The following ADGRG4 variants were observed in gnomAD, a reference collection of about 807,000 sequenced individuals.
The protein encoded by ADGRG4 is G protein-coupled receptor 112.
In ADGRG4, 122 loss-of-function variants were observed where a neutral mutation model predicts 126.2. The observed-to-expected ratio is 0.97, with a 90% CI of 0.83 to 1.12. The LOEUF is 1.12. ADGRG4 is among the 50% of genes most tolerant of loss of function. The pLI is 0.00. For missense variants in ADGRG4, 2,481 were observed against 2,251.8 expected, an observed-to-expected ratio of 1.10 and a Z score of -2.06; for synonymous variants, 943 against 838.7, an observed-to-expected ratio of 1.12 and a Z score of -2.15.
chrX:136,308,820 C>A lies in ADGRG4; in HGVS notation c.43C>A (p.Leu15Ile). ...IIYQKLYGLI[L>I]MSSFIFLSDT... is the part of the protein sequence containing the mutation. ...ATATCAGAAGCTTTATGGATTGATTCTCATGTCGAGTTTTATCTTTCTCTC... is the reference window on the plus strand; with the variant it reads ...ATATCAGAAGCTTTATGGATTGATTATCATGTCGAGTTTTATCTTTCTCTC... The change falls in exon 4 of 26, where the codon CTC becomes ATC. Residue 15 changes from leucine (L) to isoleucine (I), a missense_variant. Transcript: ENST00000394143. 2 of 1,164,316 alleles carry A rather than the reference C, an allele frequency of 1.7e-6. No individual in the cohort carries two copies. Among genetic ancestry groups the A allele is most frequent in the Non-Finnish European group, 2.3e-6 (2 of 853,186 alleles).
Position 136,347,895 on chromosome X carries a change from A to G in ADGRG4, c.4189A>G (p.Ile1397Val). The change falls in exon 6 of 26, where the codon ATA (isoleucine) becomes GTA (valine). Residue 1397 changes from isoleucine to valine, a missense_variant. Coordinates refer to ENST00000394143, the MANE Select transcript of ADGRG4 (RefSeq NM_153834.4). ...ATATACTCCCAGGACTGTGGAAATG[A>G]TAGTAAACTCCACCTATGTGACTCA... ...PAYTPRTVEM[I>V]VNSTYVTHSV... 8.3e-7 allele frequency: 1 copy of G among 1,210,604 alleles called. No homozygotes were observed.
rs1271096387 is a variant in ADGRG4 at position 136,301,780 on chromosome X, C to T, written c.-254+780C>T. 6.3e-5 allele frequency among the ~76,000 whole-genome samples: 7 copies of T among 111,648 alleles called. No homozygotes were observed. In the South Asian group the frequency reaches 1.5e-3, roughly 24 times the overall value. On this transcript the variant is annotated intron_variant, in intron 1 of 25. Coordinates refer to ENST00000394143, the MANE Select transcript of ADGRG4 (RefSeq NM_153834.4). ...TGTATAAGGTGTAAGGAAGGGATCC[C>T]GTTTCAGCTTTCTCCATATGGCTAG...
intron 15 of ADGRG4, among the ~76,000 whole-genome samples, chrX:136,383,505 T>A (rs1397144988): frequency 8.9e-6 from 1 of 112,184 alleles, no homozygotes; most frequent in Non-Finnish European, 1.9e-5. Flanking sequence ...TGTATGTATA[T>A]TTTATATTCA....
At chrX:136,367,495 A>G (rs950502837) in intron 13 of ADGRG4, among the ~76,000 whole-genome samples, 6 of 112,425 alleles carry the variant, frequency 5.3e-5, no homozygotes, top group African/African-American at 1.6e-4. Context: ...AAAAGTTAAT[A>G]AACAGTCATA....
intron 15 of ADGRG4, among the ~76,000 whole-genome samples, chrX:136,377,180 TTTTTTTTTTTTGTTG>T (rs1463775753): frequency 1.5e-4 from 14 of 90,379 alleles, no homozygotes; most frequent in African/African-American, 6.3e-4. Flanking sequence ...TTTTTTTTTT[TTTTTTTTTTTTGTTG>T]TTGTTGTTGT....
intron 7 of ADGRG4, among the ~76,000 whole-genome samples, chrX:136,352,452 G>A (rs1403468283): frequency 9.1e-6 from 1 of 109,624 alleles, no homozygotes; most frequent in African/African-American, 3.3e-5. Flanking sequence ...GATTGCGTGA[G>A]CCAAGGAGTT....
chrX:136,380,640 TTC>T (rs2075257037), intron 15 of ADGRG4, among the ~76,000 whole-genome samples: 8 of 86,047 alleles, frequency 9.3e-5, no homozygotes, highest in Non-Finnish European at 1.6e-4. Flanking sequence ...CTTCTTCTTC[TTC>T]TTCTTCTTCC....
chrX:136,325,095 A>T (rs774958093), intron 5 of ADGRG4, among the ~76,000 whole-genome samples: 5 of 112,241 alleles, frequency 4.5e-5, no homozygotes, highest in African/African-American at 1.6e-4. Flanking sequence ...ACAGGTAGTC[A>T]GTGATAATAG....
rs1291168336 is a variant in ADGRG4 at position 136,414,174 on chromosome X, T to C, written c.9052T>C (p.Cys3018Arg). The change falls in exon 25 of 26, where the codon TGT (cysteine) becomes CGT (arginine). Residue 3018 changes from cysteine to arginine, a missense_variant. Cys to Arg is a radical substitution (Grantham distance 180). Coordinates refer to ENST00000394143, the MANE Select transcript of ADGRG4 (RefSeq NM_153834.4). The part of the protein sequence containing the change: ...LDNSSDGSSR[C>R]QIKVGYKQEG... ...TATCATTTCAGATGGGAGCAGCCGG[T>C]GTCAGATAAAGGTTGGATATAAACA... The C allele has an allele frequency of 2.5e-6, 3 of 1,195,622 alleles. No individual in the cohort carries two copies. Among genetic ancestry groups the C allele is most frequent in the African/African-American group, 1.8e-5 (1 of 56,641 alleles).
intron 13 of ADGRG4, among the ~76,000 whole-genome samples, chrX:136,367,147 C>T (rs768992052): frequency 8.9e-6 from 1 of 111,933 alleles, no homozygotes; most frequent in East Asian, 2.8e-4. Flanking sequence ...AAAATGGGTC[C>T]CTCCCATAGT....
rs73637928 is a variant in ADGRG4, at chrX:136,415,467, C to T, written c.9206-987C>T. On this transcript the variant is annotated intron_variant, in intron 25 of 25. Transcript: ENST00000394143. ...CTTAAGTGCCTGCCAGTTTCAGGAC[C>T]GTGTATGGGGCAACGCTATTTTCCA... Among the ~76,000 whole-genome samples the T allele has an allele frequency of 6.9e-3, 769 of 111,233 alleles. 9 individuals carry two copies. Among genetic ancestry groups the T allele is most frequent in the African/African-American group, 0.024 (738 of 30,614 alleles).
In ADGRG4 at chrX:136,347,811, G is replaced by T; in HGVS notation, c.4105G>T (p.Ala1369Ser). 2 of 1,209,346 alleles carry T rather than the reference G, an allele frequency of 1.7e-6. No homozygotes were observed. Among genetic ancestry groups the T allele is most frequent in the South Asian group, 1.8e-5 (1 of 56,881 alleles). Residue 1369 changes from alanine (A) to serine (S), a missense_variant, in exon 6 of 26, where the codon GCT becomes TCT. Ala to Ser is a moderately conservative substitution (Grantham distance 99). Transcript: ENST00000394143. ...SLGKTALPSQ[A>S]LTITTFLCPE... ...TGGGAAAACAGCTCTCCCCTCACAA[G>T]CTCTGACAATCACCACTTTTTTGTG... is the stretch of plus-strand genomic sequence containing the variant.
At chrX:136,350,930 C>T (rs889962253) in intron 6 of ADGRG4, among the ~76,000 whole-genome samples, 58 of 111,517 alleles carry the variant, frequency 5.2e-4, no homozygotes, top group African/African-American at 1.8e-3. Context: ...AGTGCTTGTC[C>T]AAGGCCAGGG....
At chrX:136,364,938 C>T (rs1039330527) in intron 13 of ADGRG4, among the ~76,000 whole-genome samples, 9 of 111,779 alleles carry the variant, frequency 8.1e-5, no homozygotes, top group Non-Finnish European at 1.7e-4. Context: ...CTGGGTCAAT[C>T]ATACTTTTGA....
chrX:136,383,947 A>C (rs1042376197), intron 15 of ADGRG4, among the ~76,000 whole-genome samples: 1 of 101,672 alleles, frequency 9.8e-6, no homozygotes, highest in Admixed American at 1.1e-4. Flanking sequence ...GTTGGAGTGC[A>C]GTGGCACAAT....
At chrX:136,313,262 A>C (rs1201963541) in intron 4 of ADGRG4, among the ~76,000 whole-genome samples, 1 of 112,066 alleles carries the variant, frequency 8.9e-6, no homozygotes, top group Non-Finnish European at 1.9e-5. Flanking sequence ...ATCATTTTAC[A>C]TCCCCACTAG....
chrX:136,400,291 T>C (rs1485820768), intron 21 of ADGRG4, among the ~76,000 whole-genome samples, 175 bp downstream of exon 21: 1 of 111,502 alleles, frequency 9.0e-6, no homozygotes, highest in Non-Finnish European at 1.9e-5. Flanking sequence ...TTTTTAACCT[T>C]TATGGTGAGG....
At chrX:136,341,452 C>T (rs1321198421) in intron 5 of ADGRG4, among the ~76,000 whole-genome samples, 1 of 112,212 alleles carries the variant, frequency 8.9e-6, no homozygotes, top group East Asian at 2.8e-4. Flanking sequence ...CTAGAAGTGA[C>T]ACTTTCACGG....
At chrX:136,312,319 G>T (rs1395791040) in intron 4 of ADGRG4, among the ~76,000 whole-genome samples, 1 of 111,921 alleles carries the variant, frequency 8.9e-6, no homozygotes, top group East Asian at 2.8e-4. Context: ...TTTGAGAAAA[G>T]ATATTTGTTT....
Sources: gnomAD v4.1 joint callset for allele counts (sites outside exome capture counted in the v4.1 genomes callset) on GRCh38, gnomAD v4.1.1 for gene constraint, MANE v1.5 for transcripts, NCBI Gene and HGNC (gene_info 2026-07-23, HGNC 2026-07-21) for gene names.